IL1RAPL1: variants seen among roughly 807,000 people sequenced by gnomAD.
IL1RAPL1 encodes the protein interleukin 1 receptor accessory protein like 1, also known as interleukin-1 receptor accessory protein-like 1.
A neutral mutation model predicts 48.4 loss-of-function variants in IL1RAPL1; 3 were observed. The ratio of observed to expected loss-of-function variants is 0.06; its 90% CI spans 0.03 to 0.16. The LOEUF (loss-of-function observed/expected upper bound fraction) is 0.16. IL1RAPL1 is among the 10% of genes least tolerant of loss of function. IL1RAPL1 has a pLI of 1.00. For synonymous variants in IL1RAPL1, 185 were observed against 187.7 expected (o/e 0.99, Z 0.12); for missense variants, 349 against 530.6 (o/e 0.66, Z 3.36).
chrX:28,647,005 C>T (rs1404913138), intron 1 of IL1RAPL1, among the ~76,000 whole-genome samples: 1 of 111,309 alleles, frequency 9.0e-6, no homozygotes, highest in Non-Finnish European at 1.9e-5. Context: ...AGCATAATTC[C>T]AAATGCTTAT....
intron 5 of IL1RAPL1, among the ~76,000 whole-genome samples, chrX:29,496,237 A>G (rs1935211504): frequency 9.0e-6 from 1 of 111,265 alleles, no homozygotes; most frequent in African/African-American, 3.3e-5. Context: ...TAAAGCCACC[A>G]TAATTTGATA....
intron 6 of IL1RAPL1, among the ~76,000 whole-genome samples, chrX:29,730,182 A>G (rs1601798623): frequency 3.6e-5 from 4 of 112,020 alleles, no homozygotes; most frequent in Non-Finnish European, 7.5e-5. Context: ...TCAAAATGAC[A>G]TGGTTCTTTC....
chrX:29,023,034 T>C (rs1040663796), intron 2 of IL1RAPL1, among the ~76,000 whole-genome samples: 2 of 112,166 alleles, frequency 1.8e-5, no homozygotes, highest in African/African-American at 3.2e-5. Flanking sequence ...TACTAAAAAT[T>C]ACAGCTGATG....
intron 2 of IL1RAPL1, among the ~76,000 whole-genome samples, chrX:28,799,756 AATAT>A (rs1343595219): frequency 8.9e-6 from 1 of 112,092 alleles, no homozygotes; most frequent in African/African-American, 3.2e-5. Flanking sequence ...ATTTCTGAAG[AATAT>A]ATAGGATCTA....
At chrX:29,879,410 T>TAA (rs1429334191) in intron 6 of IL1RAPL1, among the ~76,000 whole-genome samples, 2 of 105,197 alleles carry the variant, frequency 1.9e-5, no homozygotes, top group African/African-American at 7.0e-5. Context: ...TATATATATA[T>TAA]AATATTTGTG....
At chrX:28,628,597 A>G (rs1934366841) in intron 1 of IL1RAPL1, among the ~76,000 whole-genome samples, 1 of 112,103 alleles carries the variant, frequency 8.9e-6, no homozygotes, top group African/African-American at 3.2e-5. Context: ...GATGAGCTTT[A>G]AGCAGCTGAG....
At chrX:29,304,844 C>G (rs1932593455) in intron 3 of IL1RAPL1, among the ~76,000 whole-genome samples, 1 of 112,732 alleles carries the variant, frequency 8.9e-6, no homozygotes, top group African/African-American at 3.2e-5. Context: ...GACCTCGGCT[C>G]ACTGAAACCT....
chrX:29,598,059 CT>C (rs762232577), intron 5 of IL1RAPL1, among the ~76,000 whole-genome samples: 9 of 111,248 alleles, frequency 8.1e-5, no homozygotes, highest in Non-Finnish European at 1.3e-4. Flanking sequence ...TTCTTTTCTT[CT>C]GCTGGGTTTG....
At chrX:28,718,750 C>A (rs1935534358) in intron 1 of IL1RAPL1, among the ~76,000 whole-genome samples, 1 of 111,699 alleles carries the variant, frequency 9.0e-6, no homozygotes, top group South Asian at 3.6e-4. Context: ...GAAATAGAAT[C>A]TTTTCTGGTT....
At chrX:29,811,771 G>A (rs768293426) in intron 6 of IL1RAPL1, among the ~76,000 whole-genome samples, 1 of 112,178 alleles carries the variant, frequency 8.9e-6, no homozygotes, top group African/African-American at 3.2e-5. Flanking sequence ...GCAGTTAATT[G>A]TATGTTAATT....
At chrX:28,965,332 TC>T (rs1254631338) in intron 2 of IL1RAPL1, among the ~76,000 whole-genome samples, 1 of 111,546 alleles carries the variant, frequency 9.0e-6, no homozygotes, top group Non-Finnish European at 1.9e-5. Flanking sequence ...TCCAGTTTGA[TC>T]ATTTATTTAA....
chrX:28,619,658 G>A (rs1430749097), intron 1 of IL1RAPL1, among the ~76,000 whole-genome samples: 2 of 107,807 alleles, frequency 1.9e-5, no homozygotes, highest in African/African-American at 3.4e-5. Flanking sequence ...GAGTTGTGCC[G>A]CACAAATACC....
At chrX:29,731,013 C>A (rs1009167691) in intron 6 of IL1RAPL1, among the ~76,000 whole-genome samples, 1 of 112,315 alleles carries the variant, frequency 8.9e-6, no homozygotes, top group Non-Finnish European at 1.9e-5. Flanking sequence ...TATGTCACAT[C>A]AAAGCTATTT....
chrX:29,802,997 G>GTGTACA (rs1569173329), intron 6 of IL1RAPL1, among the ~76,000 whole-genome samples: 3 of 42,108 alleles, frequency 7.1e-5, no homozygotes, highest in African/African-American at 3.3e-4. Flanking sequence ...ACATATATAT[G>GTGTACA]TATGCATATA....
chrX:29,725,387 G>T (rs1927749050), intron 6 of IL1RAPL1, among the ~76,000 whole-genome samples: 1 of 111,123 alleles, frequency 9.0e-6, no homozygotes, highest in African/African-American at 3.3e-5. Context: ...TGGTTGCAAG[G>T]AAAAATAAGT....
chrX:29,553,723 C>T (rs746885968), intron 5 of IL1RAPL1, among the ~76,000 whole-genome samples: 9 of 110,938 alleles, frequency 8.1e-5, no homozygotes, highest in Admixed American at 9.6e-5. Context: ...TTTTCTCATC[C>T]TGTCCCCCTG....
intron 2 of IL1RAPL1, among the ~76,000 whole-genome samples, chrX:29,242,195 A>T (rs750902796): frequency 9.6e-4 from 108 of 112,741 alleles, no homozygotes; most frequent in Middle Eastern, 9.2e-3. Flanking sequence ...CACTAATTTT[A>T]ATAATAGTAC....
intron 6 of IL1RAPL1, among the ~76,000 whole-genome samples, chrX:29,860,143 A>G (rs1931547683): frequency 8.9e-6 from 1 of 112,125 alleles, no homozygotes; most frequent in South Asian, 3.7e-4. Context: ...ATGTCATTCT[A>G]TGTCAAATCA....
At chrX:29,383,833 C>T (rs1024973847) in intron 3 of IL1RAPL1, among the ~76,000 whole-genome samples, 3 of 111,960 alleles carry the variant, frequency 2.7e-5, no homozygotes, top group African/African-American at 9.7e-5. Flanking sequence ...AAAAACCTAA[C>T]TCTGCTTTTA....
Sources: allele counts gnomAD v4.1 joint callset (sites outside exome capture counted in the v4.1 genomes callset), GRCh38; gene constraint gnomAD v4.1.1; transcripts MANE v1.5; gene names NCBI Gene and HGNC (gene_info 2026-07-23, HGNC 2026-07-21).